The following POLR3B variants were observed in gnomAD, a reference collection of about 807,000 sequenced individuals.
POLR3B encodes RNA polymerase III subunit B.
In POLR3B, 96 loss-of-function variants were observed where a neutral mutation model predicts 147.4. That is an observed-to-expected ratio of 0.65 (90% confidence interval 0.55 to 0.77). POLR3B has a LOEUF of 0.77. POLR3B is among the 30% of genes least tolerant of loss of function. POLR3B has a pLI of 0.00. For synonymous variants in POLR3B, 461 were observed against 485.9 expected (o/e 0.95, Z 0.67); for missense variants, 1,036 against 1,413.5 (o/e 0.73, Z 4.28).
intron 22 of POLR3B, among the ~76,000 whole-genome samples, chr12:106,461,585 G>T (rs2037936248): frequency 6.6e-6 from 1 of 152,176 alleles, no homozygotes; most frequent in African/African-American, 2.4e-5. Context: ...GAATCTTCTT[G>T]CAGACTGGGA....
At chr12:106,431,908 A>G (rs893017645) in intron 14 of POLR3B, among the ~76,000 whole-genome samples, 3 of 152,220 alleles carry the variant, frequency 2.0e-5, no homozygotes, top group African/African-American at 4.8e-5. Flanking sequence ...ATTTCAGGCC[A>G]GAAGTTTTAT....
rs1252178907 is a variant in POLR3B at position 106,369,289 on chromosome 12, A to G, written c.242A>G (p.Tyr81Cys). 3.8e-6 allele frequency: 6 copies of G among 1,588,492 alleles called. No homozygotes were observed. The highest frequency in any genetic ancestry group is 1.7e-5 in the Admixed American group (1 of 59,996). ...TTGCTTTTCAGATATCTTAATATCT[A>G]TGTTGGGCTTCCTGATGTTGAAGAA... ...PMWYLKYLNI[Y>C]VGLPDVEESF... The change falls in exon 5 of 28, where the codon TAT becomes TGT. Residue 81 changes from tyrosine (Y) to cysteine (C), a missense_variant. Tyr to Cys is a radical substitution (Grantham distance 194). Coordinates refer to ENST00000228347, the MANE Select transcript of POLR3B (RefSeq NM_018082.6).
intron 23 of POLR3B, among the ~76,000 whole-genome samples, chr12:106,472,329 G>C (rs541439988): frequency 1.3e-5 from 2 of 151,888 alleles, no homozygotes; most frequent in Non-Finnish European, 2.9e-5. Context: ...ACATACGTGT[G>C]CATGTGTCTT....
At chr12:106,424,140 C>T (rs1387212919) in intron 12 of POLR3B, among the ~76,000 whole-genome samples, 1 of 152,026 alleles carries the variant, frequency 6.6e-6, no homozygotes, top group Non-Finnish European at 1.5e-5. Context: ...AGGCGTGAGC[C>T]ACCGAGCCCA....
At chr12:106,469,359 G>A (rs2038055731) in intron 23 of POLR3B, among the ~76,000 whole-genome samples, 1 of 150,772 alleles carries the variant, frequency 6.6e-6, no homozygotes, top group African/African-American at 2.5e-5. Flanking sequence ...ATGTGAGATG[G>A]GTTTCCTGAA....
At chr12:106,466,450 T>G (rs2038007198) in intron 23 of POLR3B, among the ~76,000 whole-genome samples, 1 of 152,242 alleles carries the variant, frequency 6.6e-6, no homozygotes, top group South Asian at 2.1e-4. Context: ...AGAAGCTCTT[T>G]AGTTTAATTA....
intron 12 of POLR3B, among the ~76,000 whole-genome samples, chr12:106,421,434 C>T (rs12305705): frequency 6.6e-6 from 1 of 151,902 alleles, no homozygotes; most frequent in South Asian, 2.1e-4. Flanking sequence ...CCATGACTTA[C>T]TATCAAACTT....
intron 6 of POLR3B, among the ~76,000 whole-genome samples, chr12:106,372,542 CGT>C (rs1251826945): frequency 6.6e-6 from 1 of 151,700 alleles, no homozygotes; most frequent in Non-Finnish European, 1.5e-5. Flanking sequence ...GGTTTCACCA[CGT>C]TGGCCAGGCT....
At chr12:106,386,690 G>C (rs569311513) in intron 9 of POLR3B, among the ~76,000 whole-genome samples, 2 of 151,966 alleles carry the variant, frequency 1.3e-5, no homozygotes, top group Non-Finnish European at 2.9e-5. Context: ...GGCGGATCAC[G>C]AGGTCAGGAG....
chr12:106,486,757 A>G (rs1179045425), intron 23 of POLR3B, among the ~76,000 whole-genome samples: 1 of 152,170 alleles, frequency 6.6e-6, no homozygotes, highest in African/African-American at 2.4e-5. Context: ...TCCTTCTAAA[A>G]TCAGCTTATT....
At chr12:106,469,269 CTTTT>C (rs374922405) in intron 23 of POLR3B, among the ~76,000 whole-genome samples, 5 of 128,416 alleles carry the variant, frequency 3.9e-5, no homozygotes, top group African/African-American at 6.0e-5. Flanking sequence ...GCAACCCCTG[CTTTT>C]TTTTTTTTTT....
At position 106,435,335 on chromosome 12, in the gene POLR3B, G is replaced by A. The variant is rs1041072707; in HGVS notation, c.1781+1463G>A. On this transcript the variant is annotated intron_variant, in intron 16 of 27. Transcript: ENST00000228347. ...ATTTTTTGTATTATTAGTAGTGATG[G>A]GGTTTCACTGTGTTGGCCAGGCTGG... Among the ~76,000 whole-genome samples, 9 of 150,436 alleles carry A rather than the reference G, an allele frequency of 6.0e-5. No individual in the cohort carries two copies. In the South Asian group the frequency reaches 6.3e-4, roughly 11 times the overall value.
chr12:106,482,689 C>A (rs1290488166), intron 23 of POLR3B, among the ~76,000 whole-genome samples: 1 of 152,126 alleles, frequency 6.6e-6, no homozygotes, highest in South Asian at 2.1e-4. Flanking sequence ...AACCATATCA[C>A]TTAGGTAAGT....
intron 23 of POLR3B, among the ~76,000 whole-genome samples, chr12:106,483,662 G>A (rs1178051570): frequency 6.6e-6 from 1 of 152,198 alleles, no homozygotes; most frequent in Non-Finnish European, 1.5e-5. Context: ...GGTTTTCCAT[G>A]TTGATTGTGG....
chr12:106,422,627 A>C (rs2037386693), intron 12 of POLR3B, among the ~76,000 whole-genome samples: 1 of 152,144 alleles, frequency 6.6e-6, no homozygotes, highest in Admixed American at 6.5e-5. Flanking sequence ...TTTATTGTAT[A>C]GTCTTTCATT....
intron 9 of POLR3B, among the ~76,000 whole-genome samples, chr12:106,381,196 C>G (rs937348499): frequency 4.6e-5 from 7 of 152,154 alleles, no homozygotes; most frequent in African/African-American, 1.7e-4. Context: ...TAAAATAAGA[C>G]ATCAGTGAAG....
chr12:106,358,014 G>A (rs2036411786), intron 1 of POLR3B, 63 bp downstream of exon 1: 1 of 1,591,104 alleles, frequency 6.3e-7, no homozygotes, highest in South Asian at 1.1e-5. Flanking sequence ...GCGTTGCCCG[G>A]AGTGCTCGGG....
intron 23 of POLR3B, among the ~76,000 whole-genome samples, chr12:106,487,033 G>T (rs991411025): frequency 2.6e-5 from 4 of 152,246 alleles, no homozygotes; most frequent in African/African-American, 9.6e-5. Flanking sequence ...CAGATGGCAG[G>T]TGTCTGTAAG....
At chr12:106,462,097 G>A (rs1044625608) in intron 22 of POLR3B, among the ~76,000 whole-genome samples, 1 of 152,080 alleles carries the variant, frequency 6.6e-6, no homozygotes, top group Non-Finnish European at 1.5e-5. Flanking sequence ...CAATCCTGTC[G>A]TTCCTGTCAT....
Sources: allele counts gnomAD v4.1 joint callset (sites outside exome capture counted in the v4.1 genomes callset), GRCh38; gene constraint gnomAD v4.1.1; transcripts MANE v1.5; gene names NCBI Gene and HGNC (gene_info 2026-07-23, HGNC 2026-07-21).